Variants in RIPOR3 observed in about 807,000 individuals in gnomAD.
RIPOR3 encodes RIPOR family member 3.
In RIPOR3, 95 loss-of-function variants were observed where a neutral mutation model predicts 114.3. The observed-to-expected ratio is 0.83, with a 90% CI of 0.70 to 0.99. RIPOR3 has a LOEUF of 0.99. RIPOR3 is among the 50% of genes least tolerant of loss of function. The pLI, the probability that RIPOR3 is intolerant of heterozygous loss-of-function variation, is 0.00. For synonymous variants in RIPOR3, 575 were observed against 543.8 expected (o/e 1.06, Z -0.80); for missense variants, 1,252 against 1,266.9 (o/e 0.99, Z 0.18).
intron 20 of RIPOR3, among the ~76,000 whole-genome samples, chr20:50,588,759 A>G (rs1303449791): frequency 6.6e-6 from 1 of 151,172 alleles, no homozygotes; most frequent in Non-Finnish European, 1.5e-5. Flanking sequence ...GAAAAAAAAA[A>G]AAAAAAAAAG....
At chr20:50,633,957 C>G (rs2084900022) in intron 1 of RIPOR3, among the ~76,000 whole-genome samples, 1 of 150,060 alleles carries the variant, frequency 6.7e-6, no homozygotes, top group Admixed American at 6.7e-5. Flanking sequence ...TTCTTTATTT[C>G]CTTTTCCTTC....
intron 1 of RIPOR3, among the ~76,000 whole-genome samples, chr20:50,667,221 G>A (rs1009443684): frequency 1.5e-4 from 22 of 150,856 alleles, no homozygotes; most frequent in Non-Finnish European, 2.8e-4. Flanking sequence ...ATCCCCAAAC[G>A]AGCCTCCCTG....
intron 3 of RIPOR3, among the ~76,000 whole-genome samples, chr20:50,618,270 CAAAAAAAAAAAAAAAAAAAAAA>C (rs61215608): frequency 1.5e-5 from 1 of 67,392 alleles, no homozygotes; most frequent in African/African-American, 7.2e-5. Flanking sequence ...GACTCCGTCT[CAAAAAAAAAAAAAAAAAAAAAA>C]AAAAAAAAAG....
At chr20:50,686,390 T>A (rs2087025526) in intron 1 of RIPOR3, among the ~76,000 whole-genome samples, 1 of 151,712 alleles carries the variant, frequency 6.6e-6, no homozygotes, top group Non-Finnish European at 1.5e-5. Context: ...TGGCCCAGGG[T>A]GAGTATAGGA....
At chr20:50,666,226 T>TCTCTTCTCTTCTCTTCTCTTCTC (rs1555873214) in intron 1 of RIPOR3, among the ~76,000 whole-genome samples, 1 of 139,736 alleles carries the variant, frequency 7.2e-6, no homozygotes, top group African/African-American at 2.7e-5. Flanking sequence ...TCTTTTCTTT[T>TCTCTTCTCTTCTCTTCTCTTCTC]TTGAGACGGA....
rs562811345 is a variant in RIPOR3, at chr20:50,649,309, G to C, written c.4-18453C>G. ...AAAATACAAACATTAGCCAGGGGTG[G>C]TGGTGGGTACCTGTAATCCCAGCTA... On this transcript the variant is annotated intron_variant, in intron 1 of 21. Coordinates refer to ENST00000327979, the MANE Select transcript of RIPOR3 (RefSeq NM_001290268.2). Among the ~76,000 whole-genome samples the C allele has an allele frequency of 5.3e-5, 8 of 152,320 alleles. No homozygotes were observed. In the East Asian group the frequency reaches 1.5e-3, roughly 29 times the overall value.
At chr20:50,676,276 C>T (rs1321797086) in intron 1 of RIPOR3, among the ~76,000 whole-genome samples, 2 of 152,138 alleles carry the variant, frequency 1.3e-5, no homozygotes, top group Non-Finnish European at 2.9e-5. Flanking sequence ...AGTTGGTCTG[C>T]CTCCTGCTGT....
chr20:50,589,510 G>A (rs567837176), intron 20 of RIPOR3, among the ~76,000 whole-genome samples, 176 bp downstream of exon 20: 1 of 152,252 alleles, frequency 6.6e-6, no homozygotes, highest in Admixed American at 6.5e-5. Flanking sequence ...TGGCCAGGCT[G>A]GTTTCAAACT....
At chr20:50,641,792 G>T (rs922804991) in intron 1 of RIPOR3, among the ~76,000 whole-genome samples, 1 of 152,180 alleles carries the variant, frequency 6.6e-6, no homozygotes. Context: ...TCCCAGTTCC[G>T]CATGGCCACT....
Position 50,608,677 on chromosome 20 carries a change from C to T in RIPOR3, c.746G>A (p.Ser249Asn), listed in dbSNP as rs1197150614. 1.2e-6 allele frequency: 2 copies of T among 1,614,050 alleles called. No homozygotes were observed. Among genetic ancestry groups the T allele is most frequent in the East Asian group, 4.5e-5 (2 of 44,878 alleles). ...CTTCTCCTCTTCGTCCCAGGTCTGG[C>T]TGTCATCTGACTCGATCCGACCCTT... ...KLKGRIESDD[S>N]QTWDEEEKAF... Residue 249 changes from serine to asparagine, a missense_variant, in exon 10 of 22, where the codon AGC becomes AAC. Physicochemically the swap from Ser to Asn is conservative, Grantham distance 46 (BLOSUM62 1). Coordinates refer to ENST00000327979, the MANE Select transcript of RIPOR3 (RefSeq NM_001290268.2).
At chr20:50,667,539 G>T (rs545201842) in intron 1 of RIPOR3, among the ~76,000 whole-genome samples, 1 of 152,116 alleles carries the variant, frequency 6.6e-6, no homozygotes, top group African/African-American at 2.4e-5. Context: ...TGATCCGCCT[G>T]CCTCGGCCTC....
chr20:50,598,078 C>T (rs898743893), intron 13 of RIPOR3, among the ~76,000 whole-genome samples: 2 of 152,244 alleles, frequency 1.3e-5, no homozygotes, highest in Non-Finnish European at 2.9e-5. Context: ...GGGCCACGCT[C>T]ATAGATCGCC....
chr20:50,637,870 G>A (rs2085046567), intron 1 of RIPOR3, among the ~76,000 whole-genome samples: 6 of 151,956 alleles, frequency 3.9e-5, no homozygotes, highest in South Asian at 2.1e-4. Flanking sequence ...GCAAGACTTC[G>A]TCTCAAAAAA....
At chr20:50,675,629 G>C (rs1296299254) in intron 1 of RIPOR3, among the ~76,000 whole-genome samples, 1 of 152,228 alleles carries the variant, frequency 6.6e-6, no homozygotes, top group African/African-American at 2.4e-5. Context: ...TGAGGAAACA[G>C]GTTCAGGCAG....
intron 1 of RIPOR3, among the ~76,000 whole-genome samples, chr20:50,668,966 A>C (rs1419788650): frequency 6.6e-6 from 1 of 152,076 alleles, no homozygotes; most frequent in Non-Finnish European, 1.5e-5. Flanking sequence ...ATGCCCATGC[A>C]TGTATGTGTT....
At chr20:50,624,923 G>A (rs2123201713) in intron 2 of RIPOR3, among the ~76,000 whole-genome samples, 1 of 152,344 alleles carries the variant, frequency 6.6e-6, no homozygotes, top group Non-Finnish European at 1.5e-5. Context: ...TTATAGGACT[G>A]ACTGCACAGG....
chr20:50,619,928 G>C lies in RIPOR3; in HGVS notation c.269+58C>G, dbSNP rs193079770. 5 of 1,569,364 alleles carry C rather than the reference G, an allele frequency of 3.2e-6. No homozygotes were observed. In the Admixed American group the frequency reaches 5.2e-5, roughly 16 times the overall value. On this transcript the variant is annotated intron_variant, in intron 3 of 21. Coordinates refer to ENST00000327979, the MANE Select transcript of RIPOR3 (RefSeq NM_001290268.2). ...ATCCACGCTTCCCCAGGAAGAGACA[G>C]AGAGGAGGCGAGGTAGAGGAATGCA...
intron 1 of RIPOR3, among the ~76,000 whole-genome samples, chr20:50,655,925 A>G (rs2123429673): frequency 6.6e-6 from 1 of 152,242 alleles, no homozygotes; most frequent in Non-Finnish European, 1.5e-5. Flanking sequence ...AGTTTGGGAA[A>G]AAAATACAAG....
chr20:50,674,390 G>A (rs2123559638), intron 1 of RIPOR3, among the ~76,000 whole-genome samples: 1 of 152,004 alleles, frequency 6.6e-6, no homozygotes, highest in Middle Eastern at 3.4e-3. Context: ...GGATTAAATG[G>A]GAAGAGGAAT....
Sources: gnomAD v4.1 joint callset for allele counts (sites outside exome capture counted in the v4.1 genomes callset) on GRCh38, gnomAD v4.1.1 for gene constraint, MANE v1.5 for transcripts, NCBI Gene and HGNC (gene_info 2026-07-23, HGNC 2026-07-21) for gene names.